Variants in KHDRBS2 observed in about 807,000 individuals in gnomAD.
The protein encoded by KHDRBS2 is KH RNA binding domain containing, signal transduction associated 2.
Under a neutral mutation model 44.3 loss-of-function variants are expected in KHDRBS2, and 26 were observed. That is an observed-to-expected ratio of 0.59 (90% CI 0.43 to 0.81). The LOEUF is 0.81. KHDRBS2 is among the 40% of genes least tolerant of loss of function. The pLI is 0.00. For missense variants in KHDRBS2, 476 were observed against 433.1 expected (o/e 1.10, Z -0.88); for synonymous variants, 194 against 151.1 (o/e 1.28, Z -2.08).
At chr6:61,850,974 C>A (rs1795324092) in intron 6 of KHDRBS2, among the ~76,000 whole-genome samples, 2 of 152,036 alleles carry the variant, frequency 1.3e-5, no homozygotes, top group Admixed American at 6.6e-5. Context: ...AAATAGAAAA[C>A]CTCCCCTGAA....
At chr6:62,222,443 C>T (rs749666052) in intron 1 of KHDRBS2, among the ~76,000 whole-genome samples, 46 of 151,994 alleles carry the variant, frequency 3.0e-4, no homozygotes, top group Non-Finnish European at 5.7e-4. Flanking sequence ...ATGAGAGATG[C>T]AAAAGCAGAA....
chr6:61,732,206 T>C (rs1456951699), intron 7 of KHDRBS2, among the ~76,000 whole-genome samples: 1 of 152,080 alleles, frequency 6.6e-6, no homozygotes, highest in Non-Finnish European at 1.5e-5. Flanking sequence ...TCTAACGAGA[T>C]ATATTCAACA....
chr6:61,658,762 C>T, the KHDRBS2 span, among the ~76,000 whole-genome samples: 2 of 152,042 alleles, frequency 1.3e-5, no homozygotes, highest in Admixed American at 1.3e-4. Context: ...ACACAATCCA[C>T]ATTTGTGGAT....
the KHDRBS2 span, among the ~76,000 whole-genome samples, chr6:61,632,850 T>C: frequency 6.6e-6 from 1 of 152,138 alleles, no homozygotes; most frequent in Admixed American, 6.6e-5. Context: ...TGAAGGGCAG[T>C]GTGCAATTAC....
At chr6:62,284,641 A>G (rs1363198882) in intron 1 of KHDRBS2, among the ~76,000 whole-genome samples, 1 of 152,082 alleles carries the variant, frequency 6.6e-6, no homozygotes, top group Non-Finnish European at 1.5e-5. Flanking sequence ...TTCCCTGAAA[A>G]CAGTTTAGTT....
intron 8 of KHDRBS2, among the ~76,000 whole-genome samples, chr6:61,687,052 T>C (rs1232324372): frequency 6.6e-6 from 1 of 151,758 alleles, no homozygotes; most frequent in African/African-American, 2.4e-5. Flanking sequence ...TGCAACTCAA[T>C]GGCTCAACCA....
Position 62,221,792 on chromosome 6 carries a change from A to G in KHDRBS2, c.92-44480T>C, listed in dbSNP as rs113301721. Among the ~76,000 whole-genome samples, 301 of 152,288 alleles carry G rather than the reference A, an allele frequency of 2.0e-3. 1 individual carries two copies. The highest frequency in any genetic ancestry group is 6.9e-3 in the African/African-American group (288 of 41,582). Reference sequence around the variant, plus strand: ...AGAAAACTATTAAAAACTTGACTTCATGGACATATCAACCATTGATTTTTA... The same window carrying G: ...AGAAAACTATTAAAAACTTGACTTCGTGGACATATCAACCATTGATTTTTA... On this transcript the variant is annotated intron_variant, in intron 1 of 8. Transcript: ENST00000281156.
the KHDRBS2 span, among the ~76,000 whole-genome samples, chr6:61,650,773 G>T: frequency 6.6e-6 from 1 of 151,952 alleles, no homozygotes; most frequent in Non-Finnish European, 1.5e-5. Context: ...AAATTTTGTA[G>T]ACCAAAGAAG....
the KHDRBS2 span, among the ~76,000 whole-genome samples, chr6:61,617,297 A>G: frequency 1.3e-5 from 2 of 152,208 alleles, no homozygotes; most frequent in Non-Finnish European, 2.9e-5. Flanking sequence ...TTCATTTTAG[A>G]CTTCTAAATG....
chr6:61,887,162 C>A (rs1402538387), intron 6 of KHDRBS2, among the ~76,000 whole-genome samples: 1 of 151,736 alleles, frequency 6.6e-6, no homozygotes. Context: ...GCTTCAGTTT[C>A]TTTACCTACT....
At chr6:62,248,275 C>T (rs190829115) in intron 1 of KHDRBS2, among the ~76,000 whole-genome samples, 33 of 151,044 alleles carry the variant, frequency 2.2e-4, no homozygotes, top group Admixed American at 1.3e-3. Context: ...CAATAAAGGA[C>T]AGCTTGTGGT....
intron 2 of KHDRBS2, among the ~76,000 whole-genome samples, chr6:62,106,041 T>C (rs1434269383): frequency 6.6e-6 from 1 of 152,220 alleles, no homozygotes; most frequent in African/African-American, 2.4e-5. Context: ...ATGTACCCAG[T>C]AGTCATTCAG....
intron 3 of KHDRBS2, among the ~76,000 whole-genome samples, chr6:61,993,598 A>G (rs116031524): frequency 0.014 from 2,008 of 146,734 alleles, 44 homozygotes; most frequent in African/African-American, 0.047. Context: ...GAGAAATAAG[A>G]TCATGGACAG....
At chr6:62,247,695 G>A (rs567538196) in intron 1 of KHDRBS2, among the ~76,000 whole-genome samples, 57 of 152,050 alleles carry the variant, frequency 3.7e-4, no homozygotes, top group African/African-American at 1.2e-3. Context: ...CTACTTCCCG[G>A]AGCAATCATC....
intron 2 of KHDRBS2, among the ~76,000 whole-genome samples, chr6:62,120,932 G>T (rs1807482740): frequency 1.3e-5 from 2 of 152,156 alleles, no homozygotes; most frequent in African/African-American, 2.4e-5. Context: ...GTGCAATGGG[G>T]AAAGAGGAAT....
chr6:61,572,708 A>T, the KHDRBS2 span, among the ~76,000 whole-genome samples: 14 of 152,350 alleles, frequency 9.2e-5, 1 homozygote, highest in Admixed American at 5.9e-4. Flanking sequence ...AAACAGAATT[A>T]AAAGTAAAAG....
chr6:62,196,927 G>A (rs1460947634), intron 1 of KHDRBS2, among the ~76,000 whole-genome samples: 4 of 152,006 alleles, frequency 2.6e-5, no homozygotes, highest in Non-Finnish European at 5.9e-5. Context: ...AAGCATAGAT[G>A]TCTTCTCTAG....
intron 6 of KHDRBS2, among the ~76,000 whole-genome samples, chr6:61,884,679 C>T (rs1157894313): frequency 1.3e-5 from 2 of 151,990 alleles, no homozygotes; most frequent in Non-Finnish European, 2.9e-5. Context: ...ATAACAGTAA[C>T]CTTTGTTACT....
At chr6:62,248,939 G>C (rs1432494547) in intron 1 of KHDRBS2, among the ~76,000 whole-genome samples, 1 of 152,026 alleles carries the variant, frequency 6.6e-6, no homozygotes, top group East Asian at 1.9e-4. Context: ...AGAGAGAGAA[G>C]AGAAACAAAA....
Sources: gnomAD v4.1 joint callset for allele counts (sites outside exome capture counted in the v4.1 genomes callset) on GRCh38, gnomAD v4.1.1 for gene constraint, MANE v1.5 for transcripts, NCBI Gene and HGNC (gene_info 2026-07-23, HGNC 2026-07-21) for gene names.